MAD1L1: variants seen among roughly 807,000 people sequenced by gnomAD.
The protein encoded by MAD1L1 is mitotic spindle assembly checkpoint protein MAD1.
A neutral mutation model predicts 96.9 loss-of-function variants in MAD1L1; 95 were observed. The observed-to-expected ratio is 0.98, with a 90% CI of 0.83 to 1.16. The LOEUF is 1.16. MAD1L1 is among the 50% of genes most tolerant of loss of function. The pLI, the probability that MAD1L1 is intolerant of heterozygous loss-of-function variation, is 0.00. For missense variants in MAD1L1, 1,007 were observed against 954.4 expected, an observed-to-expected ratio of 1.06 and a Z score of -0.73; for synonymous variants, 473 against 396.6, an observed-to-expected ratio of 1.19 and a Z score of -2.29.
intron 10 of MAD1L1, among the ~76,000 whole-genome samples, chr7:2,202,814 C>T (rs1210689472): frequency 1.3e-5 from 2 of 152,242 alleles, no homozygotes; most frequent in Non-Finnish European, 2.9e-5. Flanking sequence ...TAGACCCTTC[C>T]TTAGAGGAAA....
At chr7:1,969,185 ACCAGCCTGG>A (rs1780302330) in intron 15 of MAD1L1, among the ~76,000 whole-genome samples, 3 of 152,186 alleles carry the variant, frequency 2.0e-5, no homozygotes, top group Non-Finnish European at 4.4e-5. Context: ...GCAGTTTAAG[ACCAGCCTGG>A]CCAACGTGAT....
At chr7:2,192,504 G>A (rs999937891) in intron 10 of MAD1L1, among the ~76,000 whole-genome samples, 9 of 152,210 alleles carry the variant, frequency 5.9e-5, no homozygotes, top group Middle Eastern at 6.8e-3. Context: ...TCCATCTTCC[G>A]AAAGACAAGA....
intron 6 of MAD1L1, 55 bp downstream of exon 6, chr7:2,219,277 A>C: frequency 6.8e-7 from 1 of 1,476,732 alleles, no homozygotes; most frequent in African/African-American, 1.4e-5. Flanking sequence ...GAGAGGTGGG[A>C]CGCATGCCCC....
At chr7:1,989,556 C>T (rs1016492376) in intron 14 of MAD1L1, among the ~76,000 whole-genome samples, 10 of 152,236 alleles carry the variant, frequency 6.6e-5, no homozygotes, top group African/African-American at 2.4e-4. Context: ...TGTGCGCTGC[C>T]CAGACCCAAA....
intron 11 of MAD1L1, among the ~76,000 whole-genome samples, chr7:2,125,524 A>G (rs943382483): frequency 2.1e-4 from 32 of 152,226 alleles, no homozygotes; most frequent in Admixed American, 1.8e-3. Context: ...AATATTTACG[A>G]GTTCTCATCT....
chr7:1,932,326 A>G (rs887709037), intron 17 of MAD1L1, among the ~76,000 whole-genome samples: 2 of 151,658 alleles, frequency 1.3e-5, no homozygotes, highest in Admixed American at 6.6e-5. Flanking sequence ...CCGCGGCAGA[A>G]GCCCCTGTGG....
At chr7:1,951,805 G>A (rs6977735) in intron 16 of MAD1L1, among the ~76,000 whole-genome samples, 130,922 of 152,108 alleles carry the variant, frequency 0.86, 57,666 homozygotes, top group Non-Finnish European at 0.96. Flanking sequence ...ATGCTCCACC[G>A]TATGGAAGGA....
intron 10 of MAD1L1, among the ~76,000 whole-genome samples, chr7:2,209,345 C>T (rs1792771593): frequency 6.6e-6 from 1 of 152,188 alleles, no homozygotes; most frequent in South Asian, 2.1e-4. Flanking sequence ...CTGAGGACTG[C>T]AGGACGTCAG....
intron 10 of MAD1L1, among the ~76,000 whole-genome samples, chr7:2,170,856 T>A (rs982488591): frequency 6.6e-6 from 1 of 152,058 alleles, no homozygotes; most frequent in South Asian, 2.1e-4. Flanking sequence ...CTGCCGTGGG[T>A]ACTGAGTGGA....
intron 11 of MAD1L1, among the ~76,000 whole-genome samples, chr7:2,096,619 C>T (rs73034433): frequency 0.027 from 4,114 of 152,272 alleles, 96 homozygotes; most frequent in South Asian, 0.09. Context: ...CAGCTTCCCC[C>T]GCTACAGCGA....
At chr7:2,018,853 A>G (rs1267644565) in intron 12 of MAD1L1, among the ~76,000 whole-genome samples, 1 of 135,730 alleles carries the variant, frequency 7.4e-6, no homozygotes, top group Non-Finnish European at 1.6e-5. Context: ...GCCGAGGCCC[A>G]CTCTGCAAGG....
intron 12 of MAD1L1, among the ~76,000 whole-genome samples, chr7:2,019,867 C>T (rs1352647497): frequency 2.0e-5 from 3 of 152,214 alleles, no homozygotes; most frequent in African/African-American, 7.2e-5. Context: ...GTCTGTCCCT[C>T]GCTTCTCTTT....
Position 2,216,541 on chromosome 7 carries a change from T to C in MAD1L1, c.679-254A>G, listed in dbSNP as rs888401130. Among the ~76,000 whole-genome samples the C allele has an allele frequency of 9.6e-4, 146 of 152,110 alleles. 4 individuals are homozygous for C. The highest frequency in any genetic ancestry group is 3.2e-4 in the Non-Finnish European group (22 of 67,994). The stretch of plus-strand genomic sequence containing the variant: ...CTGTGTGACACTCTAATGGCAAATA[T>C]AGAACATTTTACATCTGCCCGAACC... On this transcript the variant is annotated intron_variant, in intron 7 of 18. Coordinates refer to ENST00000265854, the MANE Select transcript of MAD1L1 (RefSeq NM_001013836.2).
chr7:2,116,567 T>TGG (rs3076522), intron 11 of MAD1L1, among the ~76,000 whole-genome samples: 987 of 35,620 alleles, frequency 0.028, 3 homozygotes, highest in Non-Finnish European at 0.049. Context: ...GCCAGAGGGT[T>TGG]GGGGGGGGGG....
At chr7:2,121,765 CACCT>C (rs1787993127) in intron 11 of MAD1L1, among the ~76,000 whole-genome samples, 1 of 152,000 alleles carries the variant, frequency 6.6e-6, no homozygotes, top group African/African-American at 2.4e-5. Context: ...GATGATGTCC[CACCT>C]CCCTCGCAGG....
At chr7:1,898,781 G>A (rs902866278) in intron 17 of MAD1L1, among the ~76,000 whole-genome samples, 25 of 152,182 alleles carry the variant, frequency 1.6e-4, no homozygotes, top group African/African-American at 5.8e-4. Context: ...CGTGACTCGG[G>A]GTTCGCTTGC....
At position 1,881,850 on chromosome 7, in the gene MAD1L1, C is replaced by T. The variant is rs191816934; in HGVS notation, c.1998+16350G>A. On this transcript the variant is annotated intron_variant, in intron 18 of 18. Transcript: ENST00000265854. ...GGGTGATGAGCCACTGGCATCTTCT[C>T]CTACATACTTCATTAAGCCATGAGG... Among the ~76,000 whole-genome samples the T allele has an allele frequency of 5.5e-3, 840 of 152,314 alleles. 6 individuals carry two copies. Among genetic ancestry groups the T allele is most frequent in the Non-Finnish European group, 8.9e-3 (608 of 68,028 alleles).
At chr7:2,225,846 G>A (rs183433790) in intron 3 of MAD1L1, among the ~76,000 whole-genome samples, 3 of 152,332 alleles carry the variant, frequency 2.0e-5, no homozygotes, top group Non-Finnish European at 4.4e-5. Flanking sequence ...TCCGTGGGTC[G>A]GAAGTCCAGA....
rs559119960 is a variant in MAD1L1 at position 2,144,539 on chromosome 7, C to A, written c.1073+4613G>T. On this transcript the variant is annotated intron_variant, in intron 11 of 18. Transcript: ENST00000265854. ...CAGAGCACGCTGGCCTATTCCCCCC[C>A]AGATCTGAAAGATGACAGCATGGCC... Among the ~76,000 whole-genome samples, 24 of 152,302 alleles carry A rather than the reference C, an allele frequency of 1.6e-4. No homozygotes were observed. In the South Asian group the frequency reaches 2.1e-3, roughly 13 times the overall value.
Sources: allele counts gnomAD v4.1 joint callset (sites outside exome capture counted in the v4.1 genomes callset), GRCh38; gene constraint gnomAD v4.1.1; transcripts MANE v1.5; gene names NCBI Gene and HGNC (gene_info 2026-07-23, HGNC 2026-07-21).